CSMD1: variants seen among roughly 807,000 people sequenced by gnomAD.
CSMD1 encodes CUB and Sushi multiple domains 1, also known as CUB and sushi domain-containing protein 1.
In CSMD1, 213 loss-of-function variants were observed where a neutral mutation model predicts 417.5. That is an observed-to-expected ratio of 0.51 (90% CI 0.46 to 0.57). The LOEUF is 0.57. CSMD1 is among the 20% of genes least tolerant of loss of function. CSMD1 has a pLI of 0.00. For synonymous variants in CSMD1, 2,862 were observed against 1,736.8 expected (o/e 1.65, Z -16.11); for missense variants, 6,923 against 4,529.7 (o/e 1.53, Z -15.17).
chr8:4,087,564 T>G (rs1055466049), intron 3 of CSMD1, among the ~76,000 whole-genome samples: 3 of 152,164 alleles, frequency 2.0e-5, no homozygotes, highest in Non-Finnish European at 4.4e-5. Flanking sequence ...ATTTCTGTCC[T>G]TATACACTTG....
intron 2 of CSMD1, among the ~76,000 whole-genome samples, chr8:4,623,516 G>C (rs902847880): frequency 7.9e-5 from 12 of 151,744 alleles, no homozygotes; most frequent in Non-Finnish European, 1.3e-4. Flanking sequence ...TCCCCACAAA[G>C]ACTTTTATGC....
At chr8:3,186,827 G>T (rs1449210410) in intron 36 of CSMD1, among the ~76,000 whole-genome samples, 2 of 152,208 alleles carry the variant, frequency 1.3e-5, no homozygotes, top group African/African-American at 4.8e-5. Context: ...CAATTCTCTA[G>T]TAGCTAATCT....
chr8:4,808,153 G>A (rs532939018), intron 1 of CSMD1, among the ~76,000 whole-genome samples: 12 of 152,256 alleles, frequency 7.9e-5, no homozygotes, highest in South Asian at 6.2e-4. Flanking sequence ...CCACGATTCC[G>A]GCGGTGTGGA....
intron 5 of CSMD1, among the ~76,000 whole-genome samples, chr8:3,785,359 C>G (rs932294843): frequency 6.6e-6 from 1 of 152,096 alleles, no homozygotes; most frequent in Non-Finnish European, 1.5e-5. Flanking sequence ...GCAGTGGAAC[C>G]ATTTCTTTTT....
chr8:3,990,729 G>A (rs57830056), intron 5 of CSMD1, among the ~76,000 whole-genome samples: 4 of 152,178 alleles, frequency 2.6e-5, no homozygotes, highest in East Asian at 3.9e-4. Context: ...TAAGACAGTC[G>A]ATGGCTTCTC....
At chr8:3,228,172 C>T (rs1251327067) in intron 27 of CSMD1, among the ~76,000 whole-genome samples, 1 of 151,960 alleles carries the variant, frequency 6.6e-6, no homozygotes, top group Non-Finnish European at 1.5e-5. Context: ...ACTTTTTTCT[C>T]CTCTTTGATT....
chr8:3,099,717 C>A (rs907929794), intron 46 of CSMD1, among the ~76,000 whole-genome samples: 9 of 152,196 alleles, frequency 5.9e-5, no homozygotes, highest in Admixed American at 5.2e-4. Flanking sequence ...GTGCAATGAT[C>A]TAACCCAGAA....
At chr8:4,091,035 C>G in intron 3 of CSMD1, among the ~76,000 whole-genome samples, 1 of 151,852 alleles carries the variant, frequency 6.6e-6, no homozygotes, top group East Asian at 1.9e-4. Flanking sequence ...TCTCCTGTCT[C>G]AGCCTCACAA....
chr8:4,289,678 C>G (rs919521018), intron 3 of CSMD1, among the ~76,000 whole-genome samples: 1 of 152,138 alleles, frequency 6.6e-6, no homozygotes, highest in Non-Finnish European at 1.5e-5. Flanking sequence ...GTGCTCAAGA[C>G]ATGAGCAAAA....
chr8:4,172,894 G>A (rs1179011303), intron 3 of CSMD1, among the ~76,000 whole-genome samples: 1 of 152,104 alleles, frequency 6.6e-6, no homozygotes, highest in Non-Finnish European at 1.5e-5. Context: ...CCCATTCCAG[G>A]AGTTGAGTCT....
chr8:3,284,366 A>G lies in CSMD1; in HGVS notation c.3951-20T>C. ...TGGAGGCTGCAAGAGAGAACACAGTAGCGCTACTTGCCGTGCATCGAGCAT... is the reference window on the plus strand; with the variant it reads ...TGGAGGCTGCAAGAGAGAACACAGTGGCGCTACTTGCCGTGCATCGAGCAT... On this transcript the variant is annotated intron_variant, in intron 25 of 69. Transcript: ENST00000635120. The G allele has an allele frequency of 1.3e-6, 2 of 1,589,916 alleles. No individual in the cohort carries two copies. The highest frequency in any genetic ancestry group is 1.7e-6 in the Non-Finnish European group (2 of 1,159,520).
At chr8:4,434,095 T>C (rs1798017576) in intron 2 of CSMD1, among the ~76,000 whole-genome samples, 1 of 152,178 alleles carries the variant, frequency 6.6e-6, no homozygotes, top group Non-Finnish European at 1.5e-5. Context: ...CCCAGCACTT[T>C]GGGAGGTTGA....
chr8:4,780,831 G>A (rs1015728488), intron 1 of CSMD1, among the ~76,000 whole-genome samples: 13 of 152,032 alleles, frequency 8.6e-5, no homozygotes, highest in African/African-American at 1.9e-4. Flanking sequence ...TTGGTTTTCC[G>A]TTCCTCAGTT....
chr8:4,977,605 T>C (rs1338694777), intron 1 of CSMD1, among the ~76,000 whole-genome samples: 4 of 152,188 alleles, frequency 2.6e-5, no homozygotes, highest in African/African-American at 9.7e-5. Context: ...ATCACTCTCC[T>C]GAACACGCAC....
chr8:4,833,844 G>A (rs754516606), intron 1 of CSMD1, among the ~76,000 whole-genome samples: 4 of 152,186 alleles, frequency 2.6e-5, no homozygotes, highest in Non-Finnish European at 2.9e-5. Flanking sequence ...AGTTGGCTAC[G>A]TTGGCTAGCT....
intron 20 of CSMD1, among the ~76,000 whole-genome samples, chr8:3,366,022 C>G (rs377264652): frequency 1.3e-5 from 2 of 152,090 alleles, no homozygotes; most frequent in African/African-American, 2.4e-5. Flanking sequence ...TAAGTGGCAT[C>G]AGAAGTTATT....
intron 10 of CSMD1, among the ~76,000 whole-genome samples, chr8:3,560,793 C>T (rs1232030945): frequency 2.0e-5 from 3 of 152,154 alleles, no homozygotes; most frequent in Admixed American, 6.5e-5. Context: ...TTGACCCTAT[C>T]GAGCTAGAGA....
chr8:4,029,735 T>G (rs190169751), intron 4 of CSMD1, among the ~76,000 whole-genome samples: 12 of 152,266 alleles, frequency 7.9e-5, no homozygotes, highest in African/African-American at 2.4e-4. Context: ...TTAACTTATT[T>G]CAGCATTAAC....
chr8:3,853,208 T>C (rs1349818825), intron 5 of CSMD1, among the ~76,000 whole-genome samples: 2 of 152,174 alleles, frequency 1.3e-5, no homozygotes, highest in African/African-American at 4.8e-5. Context: ...TTGCATGTTT[T>C]CAGTCTTCTT....
Sources: gnomAD v4.1 joint callset for allele counts (sites outside exome capture counted in the v4.1 genomes callset) on GRCh38, gnomAD v4.1.1 for gene constraint, MANE v1.5 for transcripts, NCBI Gene and HGNC (gene_info 2026-07-23, HGNC 2026-07-21) for gene names.